Variants in CARMIL1 observed in about 807,000 individuals in gnomAD.
CARMIL1 encodes capping protein regulator and myosin 1 linker 1.
CARMIL1 carries 90 observed loss-of-function variants against 177.1 expected under a neutral mutation model. That is an observed-to-expected ratio of 0.51 (90% CI 0.43 to 0.61). The LOEUF (loss-of-function observed/expected upper bound fraction) is 0.61. Among genes scored for constraint, CARMIL1 ranks in the 20% least tolerant of loss-of-function variants. The probability of loss-of-function intolerance (pLI) is 0.00; values close to 1 mark genes in which losing one functional copy is unlikely to be tolerated. For synonymous variants in CARMIL1, 577 were observed against 606.2 expected, an observed-to-expected ratio of 0.95 and a Z score of 0.71; for missense variants, 1,380 against 1,667.0, an observed-to-expected ratio of 0.83 and a Z score of 3.00.
chr6:25,535,913 T>C (rs1808253915), intron 24 of CARMIL1, among the ~76,000 whole-genome samples: 1 of 152,226 alleles, frequency 6.6e-6, no homozygotes, highest in Admixed American at 6.5e-5. Flanking sequence ...TTATGTCTTC[T>C]TTGAATTGAA....
intron 15 of CARMIL1, 126 bp from the exon 16 acceptor site, chr6:25,494,985 G>A (rs1421768517): frequency 1.2e-5 from 7 of 598,472 alleles, no homozygotes; most frequent in Non-Finnish European, 2.1e-5. Context: ...ACATTTATTT[G>A]TTTCCATTTA....
chr6:25,587,240 C>A (rs1813844119), intron 31 of CARMIL1, among the ~76,000 whole-genome samples: 1 of 151,890 alleles, frequency 6.6e-6, no homozygotes, highest in Admixed American at 6.6e-5. Flanking sequence ...TAGAATGTTT[C>A]TTTCTTTTTT....
chr6:25,487,389 C>G (rs1419910333), intron 12 of CARMIL1, among the ~76,000 whole-genome samples: 1 of 152,092 alleles, frequency 6.6e-6, no homozygotes, highest in African/African-American at 2.4e-5. Flanking sequence ...AAAACCTTTT[C>G]CTGGTTCTTT....
intron 13 of CARMIL1, among the ~76,000 whole-genome samples, chr6:25,489,760 A>G (rs1367748973): frequency 6.6e-6 from 1 of 152,100 alleles, no homozygotes; most frequent in Non-Finnish European, 1.5e-5. Context: ...CTTGAACTTA[A>G]AATTATTTAA....
At chr6:25,602,497 A>C (rs537091202) in intron 33 of CARMIL1, among the ~76,000 whole-genome samples, 1 of 152,342 alleles carries the variant, frequency 6.6e-6, no homozygotes, top group South Asian at 2.1e-4. Flanking sequence ...TTGATATATA[A>C]ATCGACTTAA....
intron 11 of CARMIL1, among the ~76,000 whole-genome samples, chr6:25,473,965 T>C (rs1801298645): frequency 6.6e-6 from 1 of 152,188 alleles, no homozygotes; most frequent in South Asian, 2.1e-4. Context: ...ATTTGAATTC[T>C]TAGTAGAACA....
intron 31 of CARMIL1, among the ~76,000 whole-genome samples, chr6:25,582,238 C>T (rs1813185573): frequency 6.6e-6 from 1 of 152,180 alleles, no homozygotes; most frequent in East Asian, 1.9e-4. Context: ...GATGTTTCAG[C>T]AGTTCCTTGA....
chr6:25,452,102 A>G (rs550475625), intron 8 of CARMIL1: 1 of 762,192 alleles, frequency 1.3e-6, no homozygotes, highest in African/African-American at 1.7e-5. Context: ...TCGGCCAGGG[A>G]AAAAGTATAC....
At chr6:25,445,181 G>C (rs1211801884) in intron 5 of CARMIL1, among the ~76,000 whole-genome samples, 9 of 152,254 alleles carry the variant, frequency 5.9e-5, no homozygotes, top group African/African-American at 2.2e-4. Flanking sequence ...TTCTTTCTTT[G>C]CTCATCCATA....
intron 2 of CARMIL1, among the ~76,000 whole-genome samples, chr6:25,339,159 G>A (rs900183492): frequency 6.6e-6 from 1 of 152,124 alleles, no homozygotes; most frequent in Non-Finnish European, 1.5e-5. Flanking sequence ...GTGGTGTAGC[G>A]TCACCTCTCT....
intron 3 of CARMIL1, among the ~76,000 whole-genome samples, chr6:25,421,789 A>G (rs1397206414): frequency 2.1e-5 from 3 of 146,080 alleles, no homozygotes; most frequent in East Asian, 2.1e-4. Context: ...CAAACACCGC[A>G]TGTTCTCACT....
intron 2 of CARMIL1, among the ~76,000 whole-genome samples, chr6:25,303,430 A>G (rs1783023789): frequency 6.6e-6 from 1 of 152,188 alleles, no homozygotes. Flanking sequence ...CTCTGTTCCC[A>G]AGATATGAAT....
At chr6:25,472,758 T>A in intron 11 of CARMIL1, 1 of 499,534 alleles carries the variant, frequency 2.0e-6, no homozygotes, top group Non-Finnish European at 3.6e-6. Flanking sequence ...ATTTTTAATA[T>A]GTTTTATTAG....
At chr6:25,380,666 A>G (rs1791437563) in intron 2 of CARMIL1, among the ~76,000 whole-genome samples, 1 of 152,228 alleles carries the variant, frequency 6.6e-6, no homozygotes, top group African/African-American at 2.4e-5. Flanking sequence ...ATCTTTATTG[A>G]TAGTTCTTCC....
intron 2 of CARMIL1, among the ~76,000 whole-genome samples, chr6:25,377,997 AG>A (rs1367684556): frequency 6.6e-6 from 1 of 152,074 alleles, no homozygotes; most frequent in Non-Finnish European, 1.5e-5. Context: ...GGTAGGATTG[AG>A]GGGCAAAGCC....
chr6:25,472,298 T>C (rs1214153646), intron 10 of CARMIL1, 129 bp from the exon 11 acceptor site: 3 of 618,258 alleles, frequency 4.9e-6, no homozygotes, highest in Admixed American at 6.0e-5. Context: ...TTAAGAAATA[T>C]ATGCTATATA....
chr6:25,438,865 T>TG (rs1554195818), intron 5 of CARMIL1, among the ~76,000 whole-genome samples: 1 of 151,564 alleles, frequency 6.6e-6, no homozygotes. Context: ...TTTTTTTTTT[T>TG]GTCTGCTAAA....
chr6:25,519,186 A>G (rs1375516403), intron 22 of CARMIL1, among the ~76,000 whole-genome samples: 12 of 152,184 alleles, frequency 7.9e-5, no homozygotes, highest in African/African-American at 2.4e-4. Flanking sequence ...TGTCGTCTAA[A>G]TATGGCTGAG....
chr6:25,502,551 C>CAAA (rs11399077), intron 17 of CARMIL1, among the ~76,000 whole-genome samples: 4 of 142,312 alleles, frequency 2.8e-5, no homozygotes, highest in East Asian at 2.0e-4. Context: ...GACTCTATCT[C>CAAA]AAAAAAAAAA....
Sources: allele counts gnomAD v4.1 joint callset (sites outside exome capture counted in the v4.1 genomes callset), GRCh38; gene constraint gnomAD v4.1.1; transcripts MANE v1.5; gene names NCBI Gene and HGNC (gene_info 2026-07-23, HGNC 2026-07-21).